CRTAC1: variants seen among roughly 807,000 people sequenced by gnomAD.
CRTAC1 encodes the protein cartilage acidic protein 1.
CRTAC1 carries 37 observed loss-of-function variants against 67.8 expected under a neutral mutation model. That is an observed-to-expected ratio of 0.55 (90% CI 0.42 to 0.72). The LOEUF (loss-of-function observed/expected upper bound fraction) is 0.72. Among genes scored for constraint, CRTAC1 ranks in the 30% least tolerant of loss-of-function variants. The probability of loss-of-function intolerance (pLI) is 0.00; values close to 1 mark genes in which losing one functional copy is unlikely to be tolerated. For synonymous variants in CRTAC1, 348 were observed against 371.0 expected (o/e 0.94, Z 0.71); for missense variants, 780 against 931.6 (o/e 0.84, Z 2.12).
chr10:97,900,867 C>T (rs1430122102), intron 8 of CRTAC1, among the ~76,000 whole-genome samples: 1 of 114,944 alleles, frequency 8.7e-6, no homozygotes, highest in Non-Finnish European at 1.8e-5. Context: ...ACCCCGTAGC[C>T]CCTTTTCCTG....
intron 11 of CRTAC1, among the ~76,000 whole-genome samples, chr10:97,892,644 C>G (rs2050394609): frequency 6.6e-6 from 1 of 152,204 alleles, no homozygotes; most frequent in Non-Finnish European, 1.5e-5. Flanking sequence ...TTGTGAAAAT[C>G]AAATGAAGTG....
At chr10:97,882,234 C>A (rs1279448835) in intron 13 of CRTAC1, among the ~76,000 whole-genome samples, 2 of 152,176 alleles carry the variant, frequency 1.3e-5, no homozygotes, top group African/African-American at 4.8e-5. Context: ...AACTTCTAGG[C>A]TGCCCCTTCC....
chr10:97,980,123 A>G (rs950966895), intron 2 of CRTAC1, among the ~76,000 whole-genome samples: 2 of 152,206 alleles, frequency 1.3e-5, no homozygotes, highest in African/African-American at 4.8e-5. Context: ...TTGCTCATTC[A>G]TAAAATGGAG....
intron 14 of CRTAC1, chr10:97,878,524 C>CT (rs1407090349): frequency 2.0e-5 from 22 of 1,095,756 alleles, no homozygotes; most frequent in African/African-American, 8.3e-5. Flanking sequence ...CCTGGGATGA[C>CT]TTTTTTTCCC....
At position 97,970,977 on chromosome 10, in the gene CRTAC1, C is replaced by T. The variant is rs527481652; in HGVS notation, c.225-34611G>A. On this transcript the variant is annotated intron_variant, in intron 2 of 14. Transcript: ENST00000370597. ...AGGAAACACACCCCAGCTAATGAAG[C>T]GTTTCTTTTAAAGTTTACCTTCATT... 7.2e-5 allele frequency among the ~76,000 whole-genome samples: 11 copies of T among 152,302 alleles called. No homozygotes were observed. The South Asian group carries it at 1.9e-3, about 26-fold the overall frequency.
At chr10:97,987,312 G>T (rs1477138853) in intron 2 of CRTAC1, among the ~76,000 whole-genome samples, 4 of 152,136 alleles carry the variant, frequency 2.6e-5, no homozygotes, top group African/African-American at 7.2e-5. Flanking sequence ...GTATTCCTTT[G>T]TTCTTTTCCC....
Position 97,890,963 on chromosome 10 carries a change from G to A in CRTAC1, c.1486+4282C>T, listed in dbSNP as rs200942013. ...AGGACAGGCGTGAGCCACTGCACCCGGCTGCATTTTCTTTTTTTGTAGCCC... is the reference window on the plus strand; with the variant it reads ...AGGACAGGCGTGAGCCACTGCACCCAGCTGCATTTTCTTTTTTTGTAGCCC... On this transcript the variant is annotated intron_variant, in intron 11 of 14. Transcript: ENST00000370597. 4.4e-4 allele frequency among the ~76,000 whole-genome samples: 67 copies of A among 152,210 alleles called. No individual in the cohort carries two copies. In the East Asian group the frequency reaches 0.01, roughly 23 times the overall value.
intron 1 of CRTAC1, among the ~76,000 whole-genome samples, chr10:98,015,581 C>T (rs1000557940): frequency 6.6e-6 from 1 of 152,172 alleles, no homozygotes; most frequent in African/African-American, 2.4e-5. Flanking sequence ...ACTTAACTGG[C>T]ACAGTATATG....
chr10:98,028,776 G>A (rs1411123027), intron 1 of CRTAC1, among the ~76,000 whole-genome samples: 1 of 152,176 alleles, frequency 6.6e-6, no homozygotes, highest in African/African-American at 2.4e-5. Context: ...TGGGGGTTGG[G>A]ATATAGATTG....
intron 3 of CRTAC1, 46 bp from the exon 4 acceptor site, chr10:97,923,446 T>C (rs1590211973): frequency 1.2e-6 from 2 of 1,611,550 alleles, no homozygotes; most frequent in East Asian, 4.5e-5. Context: ...TGGATCAGGG[T>C]CTTGGTTCTG....
At chr10:97,989,781 A>G (rs1842401982) in intron 2 of CRTAC1, among the ~76,000 whole-genome samples, 1 of 152,186 alleles carries the variant, frequency 6.6e-6, no homozygotes, top group Non-Finnish European at 1.5e-5. Context: ...AGGCTAGGTA[A>G]CTCGTTCTAA....
chr10:97,926,436 C>T (rs1016869558), intron 3 of CRTAC1, among the ~76,000 whole-genome samples: 4 of 152,056 alleles, frequency 2.6e-5, no homozygotes, highest in African/African-American at 9.7e-5. Context: ...GCTTTGAGAC[C>T]CCAGGTCCAC....
In CRTAC1 at chr10:97,865,429, TG is replaced by T; in HGVS notation, c.*118del. The T allele has an allele frequency of 8.1e-7, 1 of 1,231,676 alleles. No individual in the cohort carries two copies. The highest frequency in any genetic ancestry group is 1.1e-6 in the Non-Finnish European group (1 of 898,488). The allele number at this position is 1,231,676 out of a possible 1,614,324, so 76.3% of individuals were successfully genotyped here. On this transcript the variant is annotated 3_prime_UTR_variant, in exon 15 of 15. Transcript: ENST00000370597. ...TTGTTAGCTAAGTAATGTGCATGGATGGGCTTGGGGAGGGTCTAGCTCCCAG... is the reference window on the plus strand; with the variant it reads ...TTGTTAGCTAAGTAATGTGCATGGATGGCTTGGGGAGGGTCTAGCTCCCAG...
At chr10:97,953,746 A>G (rs113440071) in intron 2 of CRTAC1, among the ~76,000 whole-genome samples, 1,978 of 152,278 alleles carry the variant, frequency 0.013, 45 homozygotes, top group African/African-American at 0.045. Context: ...GTAGGGCTGG[A>G]CTTTGAACTT....
Position 97,937,970 on chromosome 10 carries a change from G to A in CRTAC1, c.225-1604C>T, listed in dbSNP as rs564867918. On this transcript the variant is annotated intron_variant, in intron 2 of 14. Transcript: ENST00000370597. ...TTCTAAGGTCTTTGAGAGAAATCAC[G>A]TCTTTCTTTCCTGAAACAAATCCAG... 1.1e-4 allele frequency among the ~76,000 whole-genome samples: 16 copies of A among 152,350 alleles called. No individual in the cohort carries two copies. The South Asian group carries it at 2.5e-3, about 24-fold the overall frequency.
intron 2 of CRTAC1, among the ~76,000 whole-genome samples, chr10:97,950,246 C>CACACAGAG (rs1447953866): frequency 4.4e-5 from 5 of 113,424 alleles, no homozygotes; most frequent in East Asian, 2.6e-4. Flanking sequence ...CACACACACA[C>CACACAGAG]AGAGAGAGAG....
intron 2 of CRTAC1, among the ~76,000 whole-genome samples, chr10:97,985,712 C>A (rs2051970248): frequency 6.6e-6 from 1 of 152,196 alleles, no homozygotes; most frequent in African/African-American, 2.4e-5. Context: ...GAAAACCAGC[C>A]ACAGCCTATG....
At chr10:97,954,524 C>T (rs2051409354) in intron 2 of CRTAC1, among the ~76,000 whole-genome samples, 1 of 152,198 alleles carries the variant, frequency 6.6e-6, no homozygotes, top group Admixed American at 6.5e-5. Context: ...CCTGCCAGAT[C>T]CTGCTTACCT....
intron 2 of CRTAC1, among the ~76,000 whole-genome samples, chr10:97,990,692 C>A (rs1842428183): frequency 6.6e-6 from 1 of 152,198 alleles, no homozygotes. Flanking sequence ...TCTGTGAAGG[C>A]AGGAGTTGCT....
Sources: gnomAD v4.1 joint callset for allele counts (sites outside exome capture counted in the v4.1 genomes callset) on GRCh38, gnomAD v4.1.1 for gene constraint, MANE v1.5 for transcripts, NCBI Gene and HGNC (gene_info 2026-07-23, HGNC 2026-07-21) for gene names.